CUBN: variants seen among roughly 807,000 people sequenced by gnomAD.
CUBN encodes 460 kDa receptor.
A neutral mutation model predicts 405.3 loss-of-function variants in CUBN; 282 were observed. The ratio of observed to expected loss-of-function variants is 0.70; its 90% CI spans 0.63 to 0.77. CUBN has a LOEUF of 0.77. Among genes scored for constraint, CUBN ranks in the 30% least tolerant of loss-of-function variants. The pLI is 0.00. For missense variants in CUBN, 4,514 were observed against 4,475.2 expected, an observed-to-expected ratio of 1.01 and a Z score of -0.25; for synonymous variants, 1,684 against 1,617.0, an observed-to-expected ratio of 1.04 and a Z score of -0.99.
In CUBN at chr10:16,948,626, A is replaced by C. The variant is rs745451384; in HGVS notation, c.5081-20T>G. 2 of 1,613,074 alleles carry C rather than the reference A, an allele frequency of 1.2e-6. No homozygotes were observed. The highest frequency in any genetic ancestry group is 1.7e-6 in the Non-Finnish European group (2 of 1,179,552). ...AACGGCCTAAATAATGAAGATAATG[A>C]CAAGGAGAATGAATGACAACATGGC... On this transcript the variant is annotated intron_variant, in intron 34 of 66. Coordinates refer to ENST00000377833, the MANE Select transcript of CUBN (RefSeq NM_001081.4).
chr10:16,915,803 C>G lies in CUBN; in HGVS notation c.7210+18G>C, dbSNP rs1338527628. The G allele has an allele frequency of 1.3e-6, 2 of 1,589,170 alleles. No individual in the cohort carries two copies. Among genetic ancestry groups the G allele is most frequent in the Admixed American group, 1.7e-5 (1 of 59,992 alleles). ...GTGAAAATAAACACCCAAAAGAGAGCAGATATATTTTACTAACCAGAGGTA... is the reference window on the plus strand; with the variant it reads ...GTGAAAATAAACACCCAAAAGAGAGGAGATATATTTTACTAACCAGAGGTA... On this transcript the variant is annotated intron_variant, in intron 46 of 66. Transcript: ENST00000377833.
intron 40 of CUBN, among the ~76,000 whole-genome samples, chr10:16,931,723 C>G (rs7914868): frequency 0.3 from 45,428 of 152,012 alleles, 6,926 homozygotes; most frequent in Non-Finnish European, 0.32. Context: ...ACAGGTAGAA[C>G]GGGTTTGGAG....
At chr10:16,947,657 T>C (rs1454112408) in intron 35 of CUBN, among the ~76,000 whole-genome samples, 3 of 152,230 alleles carry the variant, frequency 2.0e-5, no homozygotes, top group Non-Finnish European at 4.4e-5. Context: ...TTTACCATCC[T>C]ACAGCCACTT....
chr10:16,926,865 G>A (rs1842206606), intron 41 of CUBN, among the ~76,000 whole-genome samples: 1 of 150,648 alleles, frequency 6.6e-6, no homozygotes, highest in African/African-American at 2.5e-5. Context: ...GGATACAAGT[G>A]GTTTTTCGTT....
rs4748353 is a variant in CUBN at position 17,104,668 on chromosome 10, C to T, written c.1231-63G>A. 0.95 allele frequency: 1,044,221 copies of T among 1,100,476 alleles called. 495,597 individuals carry two copies. Among genetic ancestry groups the T allele is most frequent in the Middle Eastern group, 0.96 (4,888 of 5,082 alleles). The allele number at this position is 1,100,476 out of a possible 1,614,324, so 68.2% of individuals were successfully genotyped here. On this transcript the variant is annotated intron_variant, in intron 11 of 66. Coordinates refer to ENST00000377833, the MANE Select transcript of CUBN (RefSeq NM_001081.4). ...TGGATAGACACTAAACTTTAATCAA[C>T]CCAAATAATAGGAATGTAGTGCCAT...
At chr10:17,099,928 C>G (rs1203401138) in intron 14 of CUBN, 77 bp downstream of exon 14, 39 of 866,296 alleles carry the variant, frequency 4.5e-5, no homozygotes, top group Non-Finnish European at 1.6e-5. Context: ...TCTCATGTAT[C>G]CAAAAGTCTA....
At chr10:17,071,376 T>C in intron 19 of CUBN, 50 bp downstream of exon 19, 1 of 1,573,044 alleles carries the variant, frequency 6.4e-7, no homozygotes, top group South Asian at 1.1e-5. Flanking sequence ...CCCATAATAT[T>C]TTTTATAATA....
intron 14 of CUBN, among the ~76,000 whole-genome samples, chr10:17,091,555 C>T (rs1836259844): frequency 6.6e-6 from 1 of 152,034 alleles, no homozygotes; most frequent in Non-Finnish European, 1.5e-5. Flanking sequence ...TAAAATCAAA[C>T]TATTATCATG....
intron 66 of CUBN, among the ~76,000 whole-genome samples, chr10:16,827,187 C>G (rs563290114): frequency 6.6e-6 from 1 of 152,098 alleles, no homozygotes; most frequent in African/African-American, 2.4e-5. Flanking sequence ...TAAATGTCCA[C>G]TTAGAGGGGC....
intron 39 of CUBN, among the ~76,000 whole-genome samples, chr10:16,933,677 C>T (rs1287373678): frequency 1.3e-5 from 2 of 151,620 alleles, no homozygotes; most frequent in African/African-American, 2.4e-5. Flanking sequence ...TATATCTAGG[C>T]AATTTTGAGT....
At chr10:17,070,313 C>A (rs745679878) in intron 19 of CUBN, among the ~76,000 whole-genome samples, 5 of 152,102 alleles carry the variant, frequency 3.3e-5, no homozygotes, top group Non-Finnish European at 7.4e-5. Flanking sequence ...AGTCCTTCAA[C>A]TTTGTAATTT....
chr10:16,888,046 G>A (rs117068013), intron 56 of CUBN, among the ~76,000 whole-genome samples: 3,813 of 152,284 alleles, frequency 0.025, 65 homozygotes, highest in Non-Finnish European at 0.04. Flanking sequence ...GAAGCAGAGA[G>A]TAGAATGGTG....
chr10:17,060,907 A>G (rs992353782), intron 22 of CUBN, among the ~76,000 whole-genome samples: 1 of 152,018 alleles, frequency 6.6e-6, no homozygotes, highest in African/African-American at 2.4e-5. Flanking sequence ...AAAATTAGCC[A>G]GGCATGGTGA....
chr10:16,931,895 T>A (rs1023821730), intron 40 of CUBN, among the ~76,000 whole-genome samples: 2 of 152,202 alleles, frequency 1.3e-5, no homozygotes, highest in African/African-American at 4.8e-5. Flanking sequence ...TACTTAAGAT[T>A]TTTTTCAAAG....
chr10:16,852,086 T>C (rs1839721314), intron 59 of CUBN, among the ~76,000 whole-genome samples: 1 of 88,844 alleles, frequency 1.1e-5, no homozygotes, highest in Admixed American at 1.4e-4. Flanking sequence ...CATCTTTCCC[T>C]CCCTCCCTCT....
intron 60 of CUBN, among the ~76,000 whole-genome samples, chr10:16,847,128 C>G (rs12247375): frequency 6.6e-6 from 1 of 151,996 alleles, no homozygotes; most frequent in Non-Finnish European, 1.5e-5. Context: ...TTATGCAACA[C>G]GTTATACAAT....
At chr10:16,829,887 T>C (rs1273147121) in intron 65 of CUBN, among the ~76,000 whole-genome samples, 2 of 151,766 alleles carry the variant, frequency 1.3e-5, no homozygotes, top group Non-Finnish European at 2.9e-5. Flanking sequence ...AGTGGCACGA[T>C]CTTGGCTCAC....
At chr10:17,081,649 T>C (rs757129154) in intron 17 of CUBN, among the ~76,000 whole-genome samples, 4 of 152,206 alleles carry the variant, frequency 2.6e-5, no homozygotes, top group Non-Finnish European at 5.9e-5. Context: ...GAAGTGAATA[T>C]ACTTTTTAGA....
chr10:16,966,621 G>A (rs2942360), intron 31 of CUBN, among the ~76,000 whole-genome samples: 48,025 of 151,888 alleles, frequency 0.32, 8,051 homozygotes, highest in Middle Eastern at 0.44. Context: ...GCTACATTTC[G>A]TATTTTTAGT....
Sources: allele counts gnomAD v4.1 joint callset (sites outside exome capture counted in the v4.1 genomes callset), GRCh38; gene constraint gnomAD v4.1.1; transcripts MANE v1.5; gene names NCBI Gene and HGNC (gene_info 2026-07-23, HGNC 2026-07-21).